The following FAM98A variants were observed in gnomAD, a reference collection of about 807,000 sequenced individuals.
FAM98A encodes the protein tRNA splicing ligase complex subunit 3A.
A neutral mutation model predicts 62.9 loss-of-function variants in FAM98A; 25 were observed. The ratio of observed to expected loss-of-function variants is 0.40; its 90% CI spans 0.29 to 0.56. The LOEUF (loss-of-function observed/expected upper bound fraction) is 0.56. FAM98A is among the 20% of genes least tolerant of loss of function. FAM98A has a pLI of 0.51. For synonymous variants in FAM98A, 252 were observed against 228.6 expected, an observed-to-expected ratio of 1.10 and a Z score of -0.92; for missense variants, 653 against 640.7, an observed-to-expected ratio of 1.02 and a Z score of -0.21.
At chr2:33,598,336 A>T (rs1325662367) in intron 1 of FAM98A, among the ~76,000 whole-genome samples, 1 of 152,224 alleles carries the variant, frequency 6.6e-6, no homozygotes, top group African/African-American at 2.4e-5. Context: ...TAACCATACA[A>T]TTTGTTTCTG....
chr2:33,598,253 A>C (rs1677859211), intron 1 of FAM98A, among the ~76,000 whole-genome samples: 1 of 152,226 alleles, frequency 6.6e-6, no homozygotes, highest in Admixed American at 6.5e-5. Flanking sequence ...ATTTTGATAA[A>C]GAACTTGTTA....
intron 4 of FAM98A, chr2:33,588,060 T>G (rs926847651): frequency 5.1e-6 from 2 of 393,212 alleles, no homozygotes; most frequent in Non-Finnish European, 9.9e-6. Context: ...ATCTTAATCC[T>G]TTTTACATTA....
At chr2:33,590,533 G>A (rs1290314712) in intron 3 of FAM98A, among the ~76,000 whole-genome samples, 1 of 152,132 alleles carries the variant, frequency 6.6e-6, no homozygotes, top group African/African-American at 2.4e-5. Flanking sequence ...AAACTGGGGA[G>A]AATATTTTAG....
chr2:33,585,821 G>T, intron 6 of FAM98A, 124 bp from the exon 7 acceptor site: 1 of 863,938 alleles, frequency 1.2e-6, no homozygotes, highest in East Asian at 2.5e-5. Flanking sequence ...CTAGATGGTA[G>T]GAAAAGTTAT....
rs767956278 is a variant in FAM98A, at chr2:33,584,805, A to G, written c.1528T>C (p.Phe510Leu). 7.5e-6 allele frequency: 12 copies of G among 1,609,276 alleles called. No individual in the cohort carries two copies. In the Admixed American group the frequency reaches 1.2e-4, roughly 16 times the overall value. Residue 510 changes from phenylalanine to leucine, a missense_variant, in exon 8 of 8, where the codon TTT (phenylalanine) becomes CTT (leucine). Transcript: ENST00000238823. ...CTAGTGTAATGTCTTCCCTGTCCAA[A>G]TCCAGAATGATTATACTGATAACCT... The part of the protein sequence containing the change: ...HGGYQYNHSG[F>L]GQGRHYTS
rs769239876 is a variant in FAM98A, at chr2:33,586,619, C to A, written c.663G>T (p.Leu221=). Residue 221 remains leucine (L), a synonymous_variant, in exon 6 of 8, where the codon CTG becomes CTT. Coordinates refer to ENST00000238823, the MANE Select transcript of FAM98A (RefSeq NM_015475.5). ...IANEYEVRRK[L]LIKRLDVTVQ... is the part of the protein sequence containing the mutation. ...CAGTGACATCCAAACGTTTTATTAG[C>A]AGCTTTCTCCGGACTTCATATTCAT... The A allele has an allele frequency of 6.2e-7, 1 of 1,613,918 alleles. No individual in the cohort carries two copies. Among genetic ancestry groups the A allele is most frequent in the Middle Eastern group, 1.7e-4 (1 of 6,058 alleles).
At chr2:33,592,820 A>C (rs1232599990) in intron 2 of FAM98A, among the ~76,000 whole-genome samples, 1 of 152,134 alleles carries the variant, frequency 6.6e-6, no homozygotes, top group Non-Finnish European at 1.5e-5. Context: ...TTCCTAGCAT[A>C]TTCAGCTATA....
chr2:33,598,154 T>C (rs980574301), intron 1 of FAM98A, among the ~76,000 whole-genome samples: 2 of 152,202 alleles, frequency 1.3e-5, no homozygotes, highest in Non-Finnish European at 2.9e-5. Context: ...ATTATTCAAA[T>C]AGGCAGACTT....
intron 3 of FAM98A, among the ~76,000 whole-genome samples, chr2:33,590,537 A>G (rs1223217131): frequency 6.6e-6 from 1 of 152,194 alleles, no homozygotes; most frequent in African/African-American, 2.4e-5. Context: ...TGGGGAGAAT[A>G]TTTTAGAAAG....
intron 1 of FAM98A, 126 bp downstream of exon 1, chr2:33,599,043 G>A (rs1677891794): frequency 2.5e-6 from 2 of 800,400 alleles, no homozygotes; most frequent in African/African-American, 1.7e-5. Context: ...GGGGCCAAAG[G>A]GAAGCGACAG....
chr2:33,595,281 G>A (rs903052441), intron 2 of FAM98A, among the ~76,000 whole-genome samples: 63 of 151,986 alleles, frequency 4.1e-4, no homozygotes, highest in African/African-American at 1.5e-3. Flanking sequence ...CAGCATCCAC[G>A]AATTTTTAAG....
intron 4 of FAM98A, 95 bp downstream of exon 4, chr2:33,588,240 G>A (rs975342857): frequency 3.8e-5 from 37 of 964,032 alleles, no homozygotes; most frequent in African/African-American, 3.4e-4. Flanking sequence ...ATGCACATTA[G>A]GTTCCCATTA....
At chr2:33,587,389 A>C in intron 4 of FAM98A, 69 bp from the exon 5 acceptor site, 1 of 1,146,714 alleles carries the variant, frequency 8.7e-7, no homozygotes, top group Non-Finnish European at 1.3e-6. Flanking sequence ...CCCAATTCCC[A>C]TCATATCTTG....
rs534816102 is a variant in FAM98A, at chr2:33,593,866, T to G, written c.202+1623A>C. On this transcript the variant is annotated intron_variant, in intron 2 of 7. Coordinates refer to ENST00000238823, the MANE Select transcript of FAM98A (RefSeq NM_015475.5). The stretch of plus-strand genomic sequence containing the variant: ...TGTTAGCTTCTGTATCATGTTTCAT[T>G]TGAGAAAAAGGGGCTCCAGGTTAAA... Among the ~76,000 whole-genome samples the G allele has an allele frequency of 2.9e-3, 436 of 152,278 alleles. 2 individuals carry two copies. The highest frequency in any genetic ancestry group is 0.01 in the African/African-American group (427 of 41,564).
chr2:33,599,210 G>A lies in FAM98A; in HGVS notation c.12C>T (p.Asp4=). MEC[D]LMETDILESL... is the part of the protein sequence containing the mutation. ...ACTCCAAGATGTCAGTCTCCATGAGGTCACACTCCATGCTACTGTGGTATT... is the reference window on the plus strand; with the variant it reads ...ACTCCAAGATGTCAGTCTCCATGAGATCACACTCCATGCTACTGTGGTATT... Residue 4 remains aspartate (D), a synonymous_variant, in exon 1 of 8, where the codon GAC becomes GAT. Transcript: ENST00000238823. The A allele has an allele frequency of 1.2e-6, 2 of 1,613,854 alleles. No homozygotes were observed. Among genetic ancestry groups the A allele is most frequent in the Non-Finnish European group, 1.7e-6 (2 of 1,179,712 alleles).
chr2:33,585,381 C>G lies in FAM98A; in HGVS notation c.952G>C (p.Glu318Gln), dbSNP rs1677522980. 4.3e-6 allele frequency: 7 copies of G among 1,614,188 alleles called. No homozygotes were observed. Among genetic ancestry groups the G allele is most frequent in the Non-Finnish European group, 5.9e-6 (7 of 1,180,032 alleles). ...TGCCTCTTCTGCCACGGTGGCATCT[C>G]TGGGGGTGGAGGTTCGATTTCATTG... ...RPNEIEPPPP[E>Q]MPPWQKRQDG... Residue 318 changes from glutamate (E) to glutamine (Q), a missense_variant, in exon 8 of 8, where the codon GAG (glutamate) becomes CAG (glutamine). By Grantham distance (29) the Glu-to-Gln change is conservative. Transcript: ENST00000238823.
At chr2:33,597,125 G>C (rs1677831562) in intron 1 of FAM98A, among the ~76,000 whole-genome samples, 1 of 152,046 alleles carries the variant, frequency 6.6e-6, no homozygotes, top group East Asian at 1.9e-4. Context: ...TTCTCCTTGA[G>C]TTTCACATTT....
At position 33,585,604 on chromosome 2, in the gene FAM98A, T is replaced by G; in HGVS notation, c.814A>C (p.Arg272=). 1 of 1,614,204 alleles carries G rather than the reference T, an allele frequency of 6.2e-7. No homozygotes were observed. Among genetic ancestry groups the G allele is most frequent in the Non-Finnish European group, 8.5e-7 (1 of 1,180,046 alleles). ...TISVAHLLAA[R]QDLSKILRTS... ...CTTAAAATCTTTGACAAGTCCTGCC[T>G]TGCAGCCAAAAGATGGGCAACAGAA... Residue 272 remains arginine (R), a synonymous_variant, in exon 7 of 8, where the codon AGG becomes CGG. Coordinates refer to ENST00000238823, the MANE Select transcript of FAM98A (RefSeq NM_015475.5).
chr2:33,593,232 C>T (rs1017694971), intron 2 of FAM98A, among the ~76,000 whole-genome samples: 2 of 152,122 alleles, frequency 1.3e-5, no homozygotes, highest in Admixed American at 6.6e-5. Context: ...GGCAAAACCC[C>T]GTCTCTAAGA....
Sources: gnomAD v4.1 joint callset for allele counts (sites outside exome capture counted in the v4.1 genomes callset) on GRCh38, gnomAD v4.1.1 for gene constraint, MANE v1.5 for transcripts, NCBI Gene and HGNC (gene_info 2026-07-23, HGNC 2026-07-21) for gene names.